The following NCAM1 variants were observed in gnomAD, a reference collection of about 807,000 sequenced individuals.
NCAM1 encodes the protein neural cell adhesion molecule 1.
A neutral mutation model predicts 109.8 loss-of-function variants in NCAM1; 14 were observed. The observed-to-expected ratio is 0.13, with a 90% CI of 0.08 to 0.20. The LOEUF is 0.20. Ranked by LOEUF, NCAM1 falls within the 10% of genes least tolerant of loss-of-function variation. The probability of loss-of-function intolerance (pLI) is 1.00; values close to 1 mark genes in which losing one functional copy is unlikely to be tolerated. For synonymous variants in NCAM1, 418 were observed against 442.9 expected (o/e 0.94, Z 0.70); for missense variants, 774 against 1,109.9 (o/e 0.70, Z 4.30).
rs142683593 is a variant in NCAM1, at chr11:112,968,970, T to C, written c.52+7306T>C. The stretch of plus-strand genomic sequence containing the variant: ...CACGTTATGAAGTCCAGGAAAATAA[T>C]ACATCTGCCTTTAGAGCTTACCACC... On this transcript the variant is annotated intron_variant, in intron 1 of 19. Coordinates refer to ENST00000316851, the MANE Select transcript of NCAM1 (RefSeq NM_181351.5). Among the ~76,000 whole-genome samples the C allele has an allele frequency of 5.2e-3, 786 of 152,226 alleles. 6 individuals are homozygous for C. The highest frequency in any genetic ancestry group is 0.018 in the African/African-American group (744 of 41,532).
At chr11:113,188,209 G>A (rs561550898) in intron 1 of NCAM1, among the ~76,000 whole-genome samples, 23 of 152,244 alleles carry the variant, frequency 1.5e-4, no homozygotes, top group Non-Finnish European at 3.1e-4. Flanking sequence ...CGGGCATGTC[G>A]GGGAGATCCC....
At chr11:113,085,821 C>A (rs1939056288) in intron 1 of NCAM1, among the ~76,000 whole-genome samples, 1 of 152,116 alleles carries the variant, frequency 6.6e-6, no homozygotes, top group Non-Finnish European at 1.5e-5. Flanking sequence ...TGAATGGATA[C>A]CTTTTGGGTT....
intron 7 of NCAM1, among the ~76,000 whole-genome samples, chr11:113,213,990 C>A (rs1345892532): frequency 2.6e-5 from 4 of 152,312 alleles, no homozygotes; most frequent in African/African-American, 9.6e-5. Flanking sequence ...TGCTTTTATT[C>A]AGTCAGTTTC....
chr11:113,034,358 G>A (rs139267786), intron 1 of NCAM1, among the ~76,000 whole-genome samples: 4 of 152,018 alleles, frequency 2.6e-5, no homozygotes, highest in African/African-American at 9.7e-5. Context: ...ATGCTTTGCT[G>A]TAGAGTATTC....
intron 1 of NCAM1, among the ~76,000 whole-genome samples, chr11:113,131,305 T>C (rs1555098258): frequency 6.6e-6 from 1 of 152,174 alleles, no homozygotes; most frequent in African/African-American, 2.4e-5. Context: ...CTTGATGCTT[T>C]CCACCCTCTG....
At chr11:113,141,764 G>A (rs897419343) in intron 1 of NCAM1, among the ~76,000 whole-genome samples, 2 of 152,024 alleles carry the variant, frequency 1.3e-5, no homozygotes, top group African/African-American at 2.4e-5. Flanking sequence ...CATACCTCTC[G>A]GTGCTATACT....
At chr11:113,111,833 C>T (rs930859947) in intron 1 of NCAM1, among the ~76,000 whole-genome samples, 7 of 152,104 alleles carry the variant, frequency 4.6e-5, no homozygotes, top group Non-Finnish European at 1.0e-4. Context: ...GTATCAAAAG[C>T]ATTTCTGATC....
chr11:113,148,492 C>G (rs564383498), intron 1 of NCAM1, among the ~76,000 whole-genome samples: 130 of 150,762 alleles, frequency 8.6e-4, no homozygotes, highest in Non-Finnish European at 1.3e-3. Flanking sequence ...TAGTAATTCT[C>G]TTAGTGAGGC....
intron 1 of NCAM1, among the ~76,000 whole-genome samples, chr11:113,192,268 C>T (rs1555110012): frequency 6.6e-6 from 1 of 152,180 alleles, no homozygotes; most frequent in South Asian, 2.1e-4. Context: ...CCTATCTTAT[C>T]AGGGCAGATT....
chr11:113,067,517 T>C (rs1457220997), intron 1 of NCAM1, among the ~76,000 whole-genome samples: 2 of 152,228 alleles, frequency 1.3e-5, no homozygotes, highest in Admixed American at 6.5e-5. Flanking sequence ...TTTGAAACAT[T>C]AGTGTTTAAT....
chr11:113,155,556 C>T (rs1267662013), intron 1 of NCAM1, among the ~76,000 whole-genome samples: 3 of 151,758 alleles, frequency 2.0e-5, no homozygotes, highest in African/African-American at 4.8e-5. Context: ...TCTTAGAATG[C>T]CTCCTAGGTA....
At chr11:113,087,597 A>G (rs1306150459) in intron 1 of NCAM1, among the ~76,000 whole-genome samples, 1 of 152,200 alleles carries the variant, frequency 6.6e-6, no homozygotes, top group East Asian at 1.9e-4. Context: ...GCATGCAGCT[A>G]ACTTAAGGGT....
At chr11:113,007,252 G>A (rs534447561) in intron 1 of NCAM1, among the ~76,000 whole-genome samples, 2 of 152,160 alleles carry the variant, frequency 1.3e-5, no homozygotes, top group Non-Finnish European at 2.9e-5. Flanking sequence ...AGTGCAGTGG[G>A]TGTGTGCTCA....
At chr11:113,001,965 A>G (rs1309889160) in intron 1 of NCAM1, among the ~76,000 whole-genome samples, 1 of 152,156 alleles carries the variant, frequency 6.6e-6, no homozygotes, top group Non-Finnish European at 1.5e-5. Context: ...AGGCAATTAG[A>G]GCAACCCGCA....
At chr11:113,271,655 C>T (rs1555125360) in intron 18 of NCAM1, 105 bp from the exon 19 acceptor site, 3 of 735,088 alleles carry the variant, frequency 4.1e-6, no homozygotes, top group Non-Finnish European at 6.7e-6. Context: ...TCTGTTGGCT[C>T]TGGATGCCCA....
chr11:113,271,366 T>A (rs1240995519), intron 18 of NCAM1, among the ~76,000 whole-genome samples: 1 of 65,920 alleles, frequency 1.5e-5, no homozygotes. Flanking sequence ...AGAGACTCTG[T>A]CTCAAAAAAA....
At chr11:113,265,274 G>A (rs1244939283) in intron 17 of NCAM1, 1 of 516,182 alleles carries the variant, frequency 1.9e-6, no homozygotes, top group Non-Finnish European at 2.5e-6. Flanking sequence ...CGCCTCTCAT[G>A]TACCTGGATA....
At chr11:113,023,736 T>C (rs554551827) in intron 1 of NCAM1, among the ~76,000 whole-genome samples, 2 of 152,312 alleles carry the variant, frequency 1.3e-5, no homozygotes, top group South Asian at 4.1e-4. Context: ...TTAGGAACTT[T>C]GTCGGTTTTC....
intron 1 of NCAM1, among the ~76,000 whole-genome samples, chr11:112,970,505 G>C (rs754171567): frequency 3.0e-4 from 46 of 152,126 alleles, no homozygotes; most frequent in Non-Finnish European, 6.0e-4. Flanking sequence ...TGTATGCGGG[G>C]AAAGGACACC....
Sources: gnomAD v4.1 joint callset for allele counts (sites outside exome capture counted in the v4.1 genomes callset) on GRCh38, gnomAD v4.1.1 for gene constraint, MANE v1.5 for transcripts, NCBI Gene and HGNC (gene_info 2026-07-23, HGNC 2026-07-21) for gene names.